The following PARD3B variants were observed in gnomAD, a reference collection of about 807,000 sequenced individuals.
The protein encoded by PARD3B is par-3 family cell polarity regulator beta.
Under a neutral mutation model 130.2 loss-of-function variants are expected in PARD3B, and 103 were observed. The ratio of observed to expected loss-of-function variants is 0.79; its 90% confidence interval spans 0.67 to 0.93. PARD3B has a LOEUF of 0.93. Ranked by LOEUF, PARD3B falls within the 40% of genes least tolerant of loss-of-function variation. The probability of loss-of-function intolerance (pLI) is 0.00; values close to 1 mark genes in which losing one functional copy is unlikely to be tolerated. For missense variants in PARD3B, 1,609 were observed against 1,499.2 expected (o/e 1.07, Z -1.21); for synonymous variants, 583 against 553.2 (o/e 1.05, Z -0.76).
intron 22 of PARD3B, among the ~76,000 whole-genome samples, chr2:205,608,313 G>A (rs1034995763): frequency 6.6e-6 from 1 of 152,098 alleles, no homozygotes; most frequent in Non-Finnish European, 1.5e-5. Flanking sequence ...ATTATCAGAC[G>A]AAATCCACAG....
intron 2 of PARD3B, among the ~76,000 whole-genome samples, chr2:204,807,851 G>A (rs2125516082): frequency 6.6e-6 from 1 of 151,894 alleles, no homozygotes; most frequent in East Asian, 1.9e-4. Flanking sequence ...GGGTTGTGGG[G>A]GTTGGGGGTA....
chr2:205,613,960 T>C (rs958021727), intron 22 of PARD3B, among the ~76,000 whole-genome samples: 5 of 152,228 alleles, frequency 3.3e-5, no homozygotes, highest in Non-Finnish European at 7.3e-5. Flanking sequence ...TCAAGTGTCC[T>C]AGCAGTGTGT....
intron 1 of PARD3B, among the ~76,000 whole-genome samples, chr2:204,667,236 C>T (rs2036066142): frequency 6.6e-6 from 1 of 152,130 alleles, no homozygotes; most frequent in Non-Finnish European, 1.5e-5. Flanking sequence ...GCTGTGTTCC[C>T]TTGTTCATTA....
At chr2:205,192,592 A>G (rs1466005967) in intron 14 of PARD3B, among the ~76,000 whole-genome samples, 1 of 152,252 alleles carries the variant, frequency 6.6e-6, no homozygotes, top group Non-Finnish European at 1.5e-5. Flanking sequence ...TAAGAAAACT[A>G]TAATGGGCAT....
At chr2:204,836,744 A>T (rs967009864) in intron 2 of PARD3B, among the ~76,000 whole-genome samples, 2 of 152,156 alleles carry the variant, frequency 1.3e-5, no homozygotes, top group Admixed American at 6.6e-5. Flanking sequence ...ATAAGTGAGT[A>T]TGTATGTGAG....
chr2:205,354,549 C>T (rs2044124098), intron 18 of PARD3B, among the ~76,000 whole-genome samples: 1 of 152,136 alleles, frequency 6.6e-6, no homozygotes, highest in African/African-American at 2.4e-5. Context: ...AACTCCTGGA[C>T]TCAAGTGACC....
intron 4 of PARD3B, among the ~76,000 whole-genome samples, chr2:205,100,007 C>T (rs889572901): frequency 3.9e-5 from 6 of 152,112 alleles, no homozygotes; most frequent in Non-Finnish European, 8.8e-5. Context: ...CAGATTATGA[C>T]ATTGTATTTG....
chr2:205,554,649 A>C (rs958222948), intron 22 of PARD3B, among the ~76,000 whole-genome samples: 1 of 152,136 alleles, frequency 6.6e-6, no homozygotes, highest in Non-Finnish European at 1.5e-5. Context: ...TGGGTTTCAC[A>C]TCCATGGATT....
chr2:204,654,728 T>G (rs1256043434), intron 1 of PARD3B, among the ~76,000 whole-genome samples: 1 of 152,076 alleles, frequency 6.6e-6, no homozygotes, highest in Admixed American at 6.6e-5. Context: ...TTATTGGTGA[T>G]AAGCTCTTTT....
intron 11 of PARD3B, among the ~76,000 whole-genome samples, chr2:205,161,045 C>A (rs907183071): frequency 6.6e-6 from 1 of 152,106 alleles, no homozygotes; most frequent in African/African-American, 2.4e-5. Flanking sequence ...TTGTGGATAC[C>A]AGCTTGAAAT....
intron 2 of PARD3B, among the ~76,000 whole-genome samples, chr2:204,796,041 A>C (rs963959723): frequency 1.3e-5 from 2 of 152,228 alleles, no homozygotes; most frequent in Non-Finnish European, 2.9e-5. Flanking sequence ...AGCAACTTCA[A>C]ATAGAACAGA....
chr2:205,155,736 A>G (rs568909477), intron 10 of PARD3B, among the ~76,000 whole-genome samples: 2 of 152,202 alleles, frequency 1.3e-5, no homozygotes, highest in South Asian at 2.1e-4. Flanking sequence ...AATGATTGCC[A>G]TTCTAACTGG....
chr2:205,329,086 A>G (rs2541151), intron 18 of PARD3B, among the ~76,000 whole-genome samples: 133,764 of 152,118 alleles, frequency 0.88, 59,002 homozygotes, highest in Admixed American at 0.92. Context: ...CATGCCATTC[A>G]TTCATCTGAT....
chr2:205,609,709 TC>T (rs772548306), intron 22 of PARD3B, among the ~76,000 whole-genome samples: 1 of 152,222 alleles, frequency 6.6e-6, no homozygotes, highest in Non-Finnish European at 1.5e-5. Context: ...CATAAATTCT[TC>T]ATGGTTTTTA....
intron 2 of PARD3B, among the ~76,000 whole-genome samples, chr2:204,934,852 A>G (rs992222443): frequency 3.9e-5 from 6 of 152,318 alleles, no homozygotes; most frequent in African/African-American, 7.2e-5. Flanking sequence ...TGAAGGGTAT[A>G]TCCATCAAAG....
intron 15 of PARD3B, among the ~76,000 whole-genome samples, chr2:205,235,034 A>G (rs1383981884): frequency 6.6e-6 from 1 of 152,236 alleles, no homozygotes; most frequent in Non-Finnish European, 1.5e-5. Flanking sequence ...GATAAGAAAA[A>G]TTGTGAGATG....
At position 204,635,937 on chromosome 2, in the gene PARD3B, A is replaced by G. The variant is rs370983830; in HGVS notation, c.121-50244A>G. On this transcript the variant is annotated intron_variant, in intron 1 of 22. Coordinates refer to ENST00000406610, the MANE Select transcript of PARD3B (RefSeq NM_001302769.2). ...CAAGATTTGTTTACTCTTGTAAGGC[A>G]TATTTGTCTTTTTTGTTAAGTTGCC... is the stretch of plus-strand genomic sequence containing the variant. Among the ~76,000 whole-genome samples the G allele has an allele frequency of 1.8e-4, 28 of 152,164 alleles. No homozygotes were observed. In the East Asian group the frequency reaches 3.9e-3, roughly 21 times the overall value.
chr2:204,758,772 G>C (rs1275890559), intron 2 of PARD3B, among the ~76,000 whole-genome samples: 5 of 152,160 alleles, frequency 3.3e-5, no homozygotes, highest in Non-Finnish European at 7.3e-5. Context: ...AAAGGATCAA[G>C]CGTGGCATTC....
At chr2:205,557,720 A>T (rs2106510946) in intron 22 of PARD3B, among the ~76,000 whole-genome samples, 1 of 152,292 alleles carries the variant, frequency 6.6e-6, no homozygotes, top group South Asian at 2.1e-4. Context: ...TGTGTAGTGC[A>T]TTGAAGGATT....
Sources: allele counts gnomAD v4.1 joint callset (sites outside exome capture counted in the v4.1 genomes callset), GRCh38; gene constraint gnomAD v4.1.1; transcripts MANE v1.5; gene names NCBI Gene and HGNC (gene_info 2026-07-23, HGNC 2026-07-21).